The following SEMA4G variants were observed in gnomAD, a reference collection of about 807,000 sequenced individuals.
SEMA4G encodes semaphorin-4G.
In SEMA4G, 59 loss-of-function variants were observed where a neutral mutation model predicts 81.2. The ratio of observed to expected loss-of-function variants is 0.73; its 90% CI spans 0.59 to 0.90. The LOEUF (loss-of-function observed/expected upper bound fraction) is 0.90, where lower values mean the gene tolerates loss of function less well. SEMA4G is among the 40% of genes least tolerant of loss of function. SEMA4G has a pLI of 0.00. For missense variants in SEMA4G, 952 were observed against 1,102.3 expected, an observed-to-expected ratio of 0.86 and a Z score of 1.93; for synonymous variants, 404 against 433.9, an observed-to-expected ratio of 0.93 and a Z score of 0.86.
intron 5 of SEMA4G, 36 bp downstream of exon 6, chr10:100,978,424 T>G (rs747527577): frequency 3.1e-6 from 5 of 1,605,048 alleles, no homozygotes; most frequent in Non-Finnish European, 4.3e-6. Context: ...AGACATGGTA[T>G]TTTTAGGATG....
At chr10:100,979,578 T>C (rs2133881084) in intron 8 of SEMA4G, among the ~76,000 whole-genome samples, 1 of 152,192 alleles carries the variant, frequency 6.6e-6, no homozygotes, top group South Asian at 2.1e-4. Context: ...AGATGGGGTT[T>C]CACTGTGTTG....
At chr10:100,981,613 AT>A in intron 13 of SEMA4G, 2 of 1,560,344 alleles carry the variant, frequency 1.3e-6, no homozygotes, top group Non-Finnish European at 1.8e-6. Context: ...CCAGACACTG[AT>A]CTAAATACTT....
intron 13 of SEMA4G, among the ~76,000 whole-genome samples, chr10:100,982,563 G>C (rs530307196): frequency 6.6e-6 from 1 of 152,202 alleles, no homozygotes; most frequent in East Asian, 1.9e-4. Flanking sequence ...AGGCCAAGGC[G>C]AGTGGATCAC....
chr10:100,980,431 G>A lies in SEMA4G; in HGVS notation c.1351+87G>A. ...TAATTCCTGCCATGACTAGTCTGGA[G>A]TTCCCAGTGTCCTGAGGGTCCACTG... On this transcript the variant is annotated intron_variant, in intron 10 of 13. Transcript: ENST00000370250. 4 of 1,420,270 alleles carry A rather than the reference G, an allele frequency of 2.8e-6. No homozygotes were observed. In the Admixed American group the frequency reaches 5.2e-5, roughly 19 times the overall value. 88.0% of individuals were successfully genotyped at this position (1,420,270 alleles called of 1,614,324 possible).
chr10:100,969,578 A>C (rs1254875583), upstream of SEMA4G: 1 of 232,704 alleles, frequency 4.3e-6, no homozygotes, highest in Non-Finnish European at 9.0e-6. Context: ...ATGGCCCCGG[A>C]TCCGAGCGCA....
chr10:100,978,990 G>T, exon 7 of SEMA4G: 2 of 1,614,150 alleles, frequency 1.2e-6, no homozygotes, highest in Non-Finnish European at 8.5e-7. Flanking sequence ...AGCAGTCACC[G>T]TGTGGCCCGT....
rs752650927 is a variant in SEMA4G, at chr10:100,973,562, T to C, written c.289T>C (p.Ser97Pro). 6 of 1,614,042 alleles carry C rather than the reference T, an allele frequency of 3.7e-6. No homozygotes were observed. The highest frequency in any genetic ancestry group is 5.1e-6 in the Non-Finnish European group (6 of 1,179,990). The stretch of plus-strand genomic sequence containing the variant: ...CCTCCACTAGATCCACTGGGAAGCC[T>C]CCCCAGAGATGCAAAGCAAATGTCA... Residue 97 changes from serine to proline, a missense_variant, in exon 3 of 14, where the codon TCC (serine) becomes CCC (proline). This residue lies in a region of SEMA4G where 436 missense variants were observed against 488.2 expected (regional missense o/e 0.89). Coordinates refer to ENST00000370250, the Ensembl canonical transcript of SEMA4G. The surrounding 1 kb of genome is among the most constrained non-coding windows in gnomAD (Gnocchi z 5.5).
downstream of SEMA4G, chr10:100,984,971 C>G: frequency 2.9e-6 from 4 of 1,385,978 alleles, no homozygotes; most frequent in South Asian, 6.0e-5. Context: ...GCTTACATTT[C>G]CACTCACATG....
chr10:100,979,064 T>C lies in SEMA4G; in HGVS notation c.814-38T>C, dbSNP rs1321456762. The C allele has an allele frequency of 1.9e-6, 3 of 1,613,066 alleles. No homozygotes were observed. In the African/African-American group the frequency reaches 4.0e-5, roughly 22 times the overall value. ...GGCACGGGTATAGAGGCTGGACCTC[T>C]GACCCTGGCCCCTTATCCCGTGCCT... On this transcript the variant is annotated intron_variant, in intron 7 of 13. Transcript: ENST00000370250.
exon 14 of SEMA4G, chr10:100,983,794 T>G (rs1305609497): frequency 6.2e-7 from 1 of 1,606,678 alleles, no homozygotes; most frequent in South Asian, 1.1e-5. Flanking sequence ...GCGGTGCAAC[T>G]GCAGACAGTC....
In SEMA4G at chr10:100,972,733, C is replaced by T. The variant is rs949932767; in HGVS notation, c.-180C>T. The T allele has an allele frequency of 2.4e-5, 14 of 572,330 alleles. No homozygotes were observed. Among genetic ancestry groups the T allele is most frequent in the Non-Finnish European group, 4.2e-5 (14 of 330,838 alleles). 35.5% of individuals were successfully genotyped at this position (572,330 alleles called of 1,614,324 possible). On this transcript the variant is annotated 5_prime_UTR_variant, in exon 1 of 14. An upstream open reading frame in the 5' UTR gains an earlier in-frame stop. Coordinates refer to ENST00000370250, the Ensembl canonical transcript of SEMA4G. The stretch of plus-strand genomic sequence containing the variant: ...ACAACCCTGTGACTCCATGTCCCCC[C>T]GATTCCAGGACCCCCCATGGCCCCA...
intron 13 of SEMA4G, among the ~76,000 whole-genome samples, chr10:100,982,817 C>T (rs989779601): frequency 3.3e-5 from 5 of 152,070 alleles, no homozygotes; most frequent in African/African-American, 4.8e-5. Flanking sequence ...AACAAAAAGG[C>T]GAGCAAGAAA....
chr10:100,979,924 G>T lies in SEMA4G; in HGVS notation c.1060G>T (p.Glu354Ter). The T allele has an allele frequency of 1.2e-6, 2 of 1,614,122 alleles. No homozygotes were observed. The highest frequency in any genetic ancestry group is 1.7e-6 in the Non-Finnish European group (2 of 1,180,028). ...GGCTGTCTTTGCAGGACCCTATATG[G>T]AATACCAGGATGGTTCCCGGCGCTG... The change falls in exon 9 of 14, where the codon GAA becomes TAA. Residue 354 changes from glutamate to a stop codon, truncating the protein, a stop_gained. Coordinates refer to ENST00000370250, the Ensembl canonical transcript of SEMA4G. LOFTEE classifies it high-confidence loss of function.
rs767904665 is a variant in SEMA4G at position 100,979,011 on chromosome 10, T to A, written c.806T>A (p.Val269Asp). The A allele has an allele frequency of 9.9e-6, 16 of 1,613,882 alleles. No individual in the cohort carries two copies. The Admixed American group carries it at 1.7e-4, about 17-fold the overall frequency. ...CACCGTGTGGCCCGTGTGGCTCGTG[T>A]CTGCAAGGTGGATTGGGCTGACGTT... is the stretch of plus-strand genomic sequence containing the variant. Residue 269 changes from valine to aspartate, a missense_variant, in exon 7 of 14, where the codon GTC becomes GAC. Val to Asp is a radical substitution (Grantham distance 152). Around this residue, in one of 3 missense-constraint regions of SEMA4G, gnomAD observed 436 missense variants for 488.2 expected, o/e 0.89. Coordinates refer to ENST00000370250, the Ensembl canonical transcript of SEMA4G.
At position 100,977,629 on chromosome 10, in the gene SEMA4G, C is replaced by T. The variant is rs760930941; in HGVS notation, c.337-3C>T. 1 of 1,613,588 alleles carries T rather than the reference C, an allele frequency of 6.2e-7. No homozygotes were observed. Among genetic ancestry groups the T allele is most frequent in the South Asian group, 1.1e-5 (1 of 91,074 alleles). On this transcript the variant is annotated splice_region_variant and splice_polypyrimidine_tract_variant and intron_variant, in intron 3 of 13. Coordinates refer to ENST00000370250, the Ensembl canonical transcript of SEMA4G. ...TCACAGCCCTCTCCACCTCATCCCA[C>T]AGACGGAGTGCTTTAACCATGTGCG... is the stretch of plus-strand genomic sequence containing the variant.
At chr10:100,971,732 C>A (rs1271266398), upstream of SEMA4G, among the ~76,000 whole-genome samples, 3 of 152,170 alleles carry the variant, frequency 2.0e-5, no homozygotes, top group Non-Finnish European at 2.9e-5. Flanking sequence ...CTGCCACCCA[C>A]CCCCATCCCA....
exon 14 of SEMA4G, chr10:100,984,086 G>T: frequency 1.2e-6 from 2 of 1,613,640 alleles, no homozygotes; most frequent in South Asian, 1.1e-5. Context: ...TGGAAAAAAG[G>T]AAGCACACGC....
Position 100,978,333 on chromosome 10 carries a change from G to C in SEMA4G, c.474G>C (p.Glu158Asp), listed in dbSNP as rs753596253. ...TCACCTTGCCAACCAGCTTCGAGGA[G>C]GGGAAGGAGAAGTGTCCTTATGACC... Residue 158 changes from glutamate (E) to aspartate (D), a missense_variant, in exon 5 of 14, where the codon GAG becomes GAC. Transcript: ENST00000370250. 4 of 1,613,776 alleles carry C rather than the reference G, an allele frequency of 2.5e-6. No homozygotes were observed. The highest frequency in any genetic ancestry group is 3.4e-6 in the Non-Finnish European group (4 of 1,179,866).
chr10:100,975,454 T>C (rs1395008005), intron 3 of SEMA4G, among the ~76,000 whole-genome samples: 1 of 152,224 alleles, frequency 6.6e-6, no homozygotes, highest in Non-Finnish European at 1.5e-5. Context: ...AGTCCCACAA[T>C]GCACAGCAAC....
Sources: gnomAD v4.1 joint callset for allele counts (sites outside exome capture counted in the v4.1 genomes callset) on GRCh38, gnomAD v4.1.1 for gene constraint, gnomAD v4.1.1 regional missense constraint, Gnocchi (gnomAD v3.1) non-coding constraint, MANE v1.5 for transcripts, NCBI Gene and HGNC (gene_info 2026-07-23, HGNC 2026-07-21) for gene names.